The following IGF2BP1 variants were observed in gnomAD, a reference collection of about 807,000 sequenced individuals.
IGF2BP1 encodes the protein insulin like growth factor 2 mRNA binding protein 1, also known as insulin-like growth factor 2 mRNA-binding protein 1.
Under a neutral mutation model 74.9 loss-of-function variants are expected in IGF2BP1, and 11 were observed. The ratio of observed to expected loss-of-function variants is 0.15; its 90% CI spans 0.09 to 0.24. The LOEUF (loss-of-function observed/expected upper bound fraction) is 0.24, where lower values mean the gene tolerates loss of function less well. Ranked by LOEUF, IGF2BP1 falls within the 10% of genes least tolerant of loss-of-function variation. The pLI is 1.00. For synonymous variants in IGF2BP1, 287 were observed against 281.8 expected, an observed-to-expected ratio of 1.02 and a Z score of -0.18; for missense variants, 440 against 757.4, an observed-to-expected ratio of 0.58 and a Z score of 4.92.
intron 3 of IGF2BP1, among the ~76,000 whole-genome samples, chr17:49,026,069 GGTCTCAAACGCCTGACCTCAA>G (rs1286660756): frequency 6.6e-6 from 1 of 151,870 alleles, no homozygotes; most frequent in Non-Finnish European, 1.5e-5. Context: ...TGATCAGGCT[GGTCTCAAACGCCTGACCTCAA>G]GTGAGCCACC....
chr17:49,046,162 C>T (rs2042105611), intron 13 of IGF2BP1, 98 bp from the exon 14 acceptor site: 11 of 1,441,582 alleles, frequency 7.6e-6, no homozygotes, highest in East Asian at 4.5e-5. Context: ...CAGGTCCTGA[C>T]TCTTCCAGGT....
intron 8 of IGF2BP1, among the ~76,000 whole-genome samples, chr17:49,041,816 C>T (rs1311887122): frequency 6.6e-6 from 1 of 152,218 alleles, no homozygotes; most frequent in African/African-American, 2.4e-5. Flanking sequence ...GGGCTTTAGG[C>T]TTGTCTGTCA....
At chr17:49,010,345 C>G (rs996591590) in intron 2 of IGF2BP1, among the ~76,000 whole-genome samples, 7 of 110,080 alleles carry the variant, frequency 6.4e-5, no homozygotes, top group Non-Finnish European at 1.2e-4. Context: ...TTGAGACAGT[C>G]TTGCTCTGTC....
rs2041720434 is a variant in IGF2BP1 at position 49,017,498 on chromosome 17, T to G, written c.237-8120T>G. Among the ~76,000 whole-genome samples, 4 of 152,268 alleles carry G rather than the reference T, an allele frequency of 2.6e-5. No individual in the cohort carries two copies. In the East Asian group the frequency reaches 7.7e-4, roughly 29 times the overall value. ...GATAGTTAACCCAATATATAAAAAA[T>G]TATCTCAACATGCAATCAATATAAA... On this transcript the variant is annotated intron_variant, in intron 2 of 14. Coordinates refer to ENST00000290341, the MANE Select transcript of IGF2BP1 (RefSeq NM_006546.4).
chr17:49,045,259 G>A (rs1318645383), intron 12 of IGF2BP1, among the ~76,000 whole-genome samples, 194 bp downstream of exon 12: 4 of 152,194 alleles, frequency 2.6e-5, no homozygotes, highest in Non-Finnish European at 5.9e-5. Flanking sequence ...TGTTGACTTC[G>A]TCTTCCCTTT....
intron 2 of IGF2BP1, among the ~76,000 whole-genome samples, chr17:49,001,367 A>G (rs770170409): frequency 6.6e-6 from 1 of 152,174 alleles, no homozygotes; most frequent in Non-Finnish European, 1.5e-5. Flanking sequence ...TATTTTCCTT[A>G]TGAACTCTTC....
chr17:49,014,937 C>A, intron 2 of IGF2BP1: 1 of 985,112 alleles, frequency 1.0e-6, no homozygotes, highest in Non-Finnish European at 1.2e-6. Flanking sequence ...GGACAGAGCC[C>A]GACTCTGTCT....
At chr17:49,018,070 TAA>T (rs2041731044) in intron 2 of IGF2BP1, 1 of 152,248 alleles carries the variant, frequency 6.6e-6, no homozygotes, top group Admixed American at 6.5e-5. Flanking sequence ...GCCTAACACT[TAA>T]AGTTACAAAA....
intron 4 of IGF2BP1, among the ~76,000 whole-genome samples, chr17:49,031,382 C>T (rs979164910): frequency 6.6e-6 from 1 of 151,914 alleles, no homozygotes; most frequent in South Asian, 2.1e-4. Flanking sequence ...GGATTATAGG[C>T]GTGAGGTACC....
At chr17:49,031,797 C>T (rs976576703) in intron 4 of IGF2BP1, 113 bp from the exon 5 acceptor site, 2 of 959,342 alleles carry the variant, frequency 2.1e-6, no homozygotes, top group African/African-American at 3.2e-5. Context: ...TCTACCGTGT[C>T]TGGCCTGCCA....
At chr17:49,017,649 C>T (rs1292115467) in intron 2 of IGF2BP1, 2 of 152,142 alleles carry the variant, frequency 1.3e-5, no homozygotes, top group African/African-American at 2.4e-5. Flanking sequence ...CACTCTGTTG[C>T]TCAGGCTGGA....
At chr17:49,027,721 G>A (rs1352325855) in intron 4 of IGF2BP1, among the ~76,000 whole-genome samples, 1 of 151,592 alleles carries the variant, frequency 6.6e-6, no homozygotes, top group Non-Finnish European at 1.5e-5. Flanking sequence ...GCGTGGTGGC[G>A]GGCACCTGTA....
chr17:49,000,940 T>TAA (rs11455355), intron 2 of IGF2BP1, among the ~76,000 whole-genome samples: 44 of 146,270 alleles, frequency 3.0e-4, no homozygotes, highest in African/African-American at 6.5e-4. Context: ...GAAGACTGGG[T>TAA]AAAAAAAAAA....
In IGF2BP1 at chr17:49,055,684, G is replaced by A. The variant is rs2042220854; in HGVS notation, c.*6240G>A. On this transcript the variant is annotated 3_prime_UTR_variant, in exon 15 of 15. Coordinates refer to ENST00000290341, the MANE Select transcript of IGF2BP1 (RefSeq NM_006546.4). ...CCCTTTTCTCCAGGATCTTGATCCTGGTCCCCAAAACCAGAGTGAATCAAA... is the reference window on the plus strand; with the variant it reads ...CCCTTTTCTCCAGGATCTTGATCCTAGTCCCCAAAACCAGAGTGAATCAAA... 2.5e-6 allele frequency: 1 copy of A among 398,330 alleles called. No individual in the cohort carries two copies. Among genetic ancestry groups the A allele is most frequent in the African/African-American group, 2.1e-5 (1 of 48,520 alleles). The allele number at this position is 398,330 out of a possible 1,614,324, so 24.7% of individuals were successfully genotyped here. A position where few individuals can be genotyped will look rare whatever the true frequency, so the allele number is the denominator to read the frequency against.
chr17:49,016,517 A>C (rs2143999498), intron 2 of IGF2BP1, among the ~76,000 whole-genome samples: 1 of 152,296 alleles, frequency 6.6e-6, no homozygotes, highest in East Asian at 1.9e-4. Context: ...AGAAGGGTTC[A>C]GCCCAGAGTA....
At chr17:49,006,165 G>A (rs1024881296) in intron 2 of IGF2BP1, among the ~76,000 whole-genome samples, 2 of 152,218 alleles carry the variant, frequency 1.3e-5, no homozygotes, top group Admixed American at 1.3e-4. Context: ...TAGTTTAGTT[G>A]ATTGGATATA....
At position 49,055,836 on chromosome 17, in the gene IGF2BP1, GTTTTTTTTTTTT is replaced by G. The variant is rs59508101; in HGVS notation, c.*6403_*6414del. On this transcript the variant is annotated 3_prime_UTR_variant, in exon 15 of 15. Coordinates refer to ENST00000290341, the MANE Select transcript of IGF2BP1 (RefSeq NM_006546.4). ...AGCTGGAGGCCTACTGCTTGGGACAGTTTTTTTTTTTTTTTTTTTTTTAAATATGAGTGCTAG... is the reference window on the plus strand; with the variant it reads ...AGCTGGAGGCCTACTGCTTGGGACAGTTTTTTTTTTAAATATGAGTGCTAG... Among the ~76,000 whole-genome samples, 5 of 125,890 alleles carry G rather than the reference GTTTTTTTTTTTT, an allele frequency of 4.0e-5. No individual in the cohort carries two copies. Among genetic ancestry groups the G allele is most frequent in the Non-Finnish European group, 8.1e-5 (5 of 61,608 alleles). 82.6% of individuals were successfully genotyped at this position (125,890 alleles called of 152,430 possible). A position where few individuals can be genotyped will look rare whatever the true frequency, so the allele number is the denominator to read the frequency against.
intron 2 of IGF2BP1, chr17:49,014,721 T>A: frequency 1.0e-6 from 1 of 970,858 alleles, no homozygotes; most frequent in Non-Finnish European, 1.2e-6. Context: ...GGCCGCCACT[T>A]ATGGACACGC....
At chr17:49,006,270 A>G (rs919504254) in intron 2 of IGF2BP1, among the ~76,000 whole-genome samples, 1 of 152,182 alleles carries the variant, frequency 6.6e-6, no homozygotes, top group African/African-American at 2.4e-5. Context: ...AGGAACAAGG[A>G]GGAAAGGAAT....
Sources: gnomAD v4.1 joint callset for allele counts (sites outside exome capture counted in the v4.1 genomes callset) on GRCh38, gnomAD v4.1.1 for gene constraint, MANE v1.5 for transcripts, NCBI Gene and HGNC (gene_info 2026-07-23, HGNC 2026-07-21) for gene names.